DENND3: variants seen among roughly 807,000 people sequenced by gnomAD.
The protein encoded by DENND3 is DENN domain-containing protein 3.
DENND3 carries 88 observed loss-of-function variants against 135.1 expected under a neutral mutation model. The ratio of observed to expected loss-of-function variants is 0.65; its 90% CI spans 0.55 to 0.78. The LOEUF (loss-of-function observed/expected upper bound fraction) is 0.78. Among genes scored for constraint, DENND3 ranks in the 30% least tolerant of loss-of-function variants. The probability of loss-of-function intolerance (pLI) is 0.00; values close to 1 mark genes in which losing one functional copy is unlikely to be tolerated. For synonymous variants in DENND3, 693 were observed against 712.3 expected, an observed-to-expected ratio of 0.97 and a Z score of 0.43; for missense variants, 1,392 against 1,688.4, an observed-to-expected ratio of 0.82 and a Z score of 3.08.
At chr8:141,163,522 G>A in intron 10 of DENND3, 93 bp downstream of exon 10, 1 of 834,274 alleles carries the variant, frequency 1.2e-6, no homozygotes, top group Non-Finnish European at 1.8e-6. Flanking sequence ...GTTCTCAAGT[G>A]TATCAACTTT....
chr8:141,141,391 A>G lies in DENND3; in HGVS notation c.623+67A>G. The G allele has an allele frequency of 4.5e-6, 5 of 1,115,524 alleles. No individual in the cohort carries two copies. The highest frequency in any genetic ancestry group is 6.0e-6 in the Non-Finnish European group (5 of 839,260). The allele number at this position is 1,115,524 out of a possible 1,614,324, so 69.1% of individuals were successfully genotyped here. ...TCTTTGTGCCTCTCCAGGTGAGCCAAGGGACCAGGGGGCTGGAGGTGGTGG... is the reference window on the plus strand; with the variant it reads ...TCTTTGTGCCTCTCCAGGTGAGCCAGGGGACCAGGGGGCTGGAGGTGGTGG... On this transcript the variant is annotated intron_variant, in intron 4 of 22. Coordinates refer to ENST00000519811, the MANE Select transcript of DENND3 (RefSeq NM_001352890.3). The surrounding 1 kb of genome is among the most constrained non-coding windows in gnomAD (Gnocchi z 5.3).
intron 8 of DENND3, among the ~76,000 whole-genome samples, chr8:141,159,162 A>C (rs958658244): frequency 6.6e-6 from 1 of 152,102 alleles, no homozygotes; most frequent in Non-Finnish European, 1.5e-5. Flanking sequence ...GTTTGGAGAG[A>C]ACCCTGGTCC....
chr8:141,128,813 A>G lies in DENND3; in HGVS notation c.102+4A>G. On this transcript the variant is annotated splice_donor_region_variant and intron_variant, in intron 1 of 22. Transcript: ENST00000519811. The surrounding 1 kb of genome is among the most constrained non-coding windows in gnomAD (Gnocchi z 4.5). ...CAGTCTCCGAAGTCTCGAGCAGGTGAGGGGCGGGGAAACTGAGGCGGACGT... is the reference window on the plus strand; with the variant it reads ...CAGTCTCCGAAGTCTCGAGCAGGTGGGGGGCGGGGAAACTGAGGCGGACGT... 7.1e-7 allele frequency: 1 copy of G among 1,403,440 alleles called. No individual in the cohort carries two copies. Among genetic ancestry groups the G allele is most frequent in the Non-Finnish European group, 9.3e-7 (1 of 1,072,794 alleles). The allele number at this position is 1,403,440 out of a possible 1,614,324, so 86.9% of individuals were successfully genotyped here. A position where few individuals can be genotyped will look rare whatever the true frequency, so the allele number is the denominator to read the frequency against.
rs895292528 is a variant in DENND3, at chr8:141,178,342, G to A, written c.2836+146G>A. On this transcript the variant is annotated intron_variant, in intron 16 of 22. Transcript: ENST00000519811. ...TATATTTGTAATTTACTCTCGAGTC[G>A]CACACCTTATCCGGCATCTTTCCTT... The A allele has an allele frequency of 6.1e-5, 75 of 1,230,298 alleles. No individual in the cohort carries two copies. In the African/African-American group the frequency reaches 8.1e-4, roughly 13 times the overall value. 76.2% of individuals were successfully genotyped at this position (1,230,298 alleles called of 1,614,324 possible).
At position 141,160,685 on chromosome 8, in the gene DENND3, G is replaced by A; in HGVS notation, c.1250G>A (p.Ser417Asn). The part of the protein sequence containing the change: ...HELHAAHLLS[S>N]TDLKEGRAHR... The stretch of plus-strand genomic sequence containing the variant: ...CTGCACGCCGCCCACCTCCTCTCCA[G>A]CACAGACCTGAAGGAGGGCCGAGCC... Residue 417 changes from serine to asparagine, a missense_variant, in exon 9 of 23, where the codon AGC becomes AAC. Coordinates refer to ENST00000519811, the MANE Select transcript of DENND3 (RefSeq NM_001352890.3). The A allele has an allele frequency of 6.2e-7, 1 of 1,613,314 alleles. No homozygotes were observed. The highest frequency in any genetic ancestry group is 8.5e-7 in the Non-Finnish European group (1 of 1,179,826).
rs545981766 is a variant in DENND3 at position 141,140,376 on chromosome 8, C to T, written c.502-827C>T. Among the ~76,000 whole-genome samples, 4 of 152,288 alleles carry T rather than the reference C, an allele frequency of 2.6e-5. No homozygotes were observed. In the East Asian group the frequency reaches 5.8e-4, roughly 22 times the overall value. On this transcript the variant is annotated intron_variant, in intron 3 of 22. Coordinates refer to ENST00000519811, the MANE Select transcript of DENND3 (RefSeq NM_001352890.3). ...CAGCCACGCGCGCGTGTGAGCAGCTCAGCACCAGGCATGACGTAAGCACTT... is the reference window on the plus strand; with the variant it reads ...CAGCCACGCGCGCGTGTGAGCAGCTTAGCACCAGGCATGACGTAAGCACTT...
Position 141,142,647 on chromosome 8 carries a change from C to T in DENND3, c.623+1323C>T. 2 of 286,764 alleles carry T rather than the reference C, an allele frequency of 7.0e-6. 1 individual carries two copies. Among genetic ancestry groups the T allele is most frequent in the South Asian group, 5.3e-5 (2 of 37,864 alleles). The allele number at this position is 286,764 out of a possible 1,614,324, so 17.8% of individuals were successfully genotyped here. ...GTAGCCAATGAGCAGGTGAATTGAG[C>T]ACATGCATGTTTGTTGACTGTCTGT... is the stretch of plus-strand genomic sequence containing the variant. On this transcript the variant is annotated intron_variant, in intron 4 of 22. Transcript: ENST00000519811.
chr8:141,151,658 T>A lies in DENND3; in HGVS notation c.895T>A (p.Phe299Ile). ...CILTEQRIVF[F>I]SSDWALLTLV... is the part of the protein sequence containing the mutation. The stretch of plus-strand genomic sequence containing the variant: ...CCTGACGGAACAGCGGATCGTCTTC[T>A]TCTCCTCGGACTGGGCTCTGCTGAC... The change falls in exon 7 of 23, where the codon TTC becomes ATC. Residue 299 changes from phenylalanine (F) to isoleucine (I), a missense_variant. By Grantham distance (21) the Phe-to-Ile change is conservative. Coordinates refer to ENST00000519811, the MANE Select transcript of DENND3 (RefSeq NM_001352890.3). 1.9e-6 allele frequency: 3 copies of A among 1,614,134 alleles called. No homozygotes were observed. Among genetic ancestry groups the A allele is most frequent in the Non-Finnish European group, 2.5e-6 (3 of 1,180,020 alleles).
rs185565092 is a variant in DENND3, at chr8:141,144,527, T to C, written c.735+268T>C. Among the ~76,000 whole-genome samples, 1 of 150,630 alleles carries C rather than the reference T, an allele frequency of 6.6e-6. No homozygotes were observed. The highest frequency in any genetic ancestry group is 1.5e-5 in the Non-Finnish European group (1 of 67,744). ...TTATACCCTCTCCCTCTTGCGTGAG[T>C]GTATGGGGTGTTTGTGTATAGGGTT... On this transcript the variant is annotated intron_variant, in intron 5 of 22. Transcript: ENST00000519811. The surrounding 1 kb of genome is among the most constrained non-coding windows in gnomAD (Gnocchi z 4.4).
intron 22 of DENND3, chr8:141,192,882 TC>T: frequency 1.3e-6 from 2 of 1,501,644 alleles, no homozygotes; most frequent in Non-Finnish European, 8.9e-7. Flanking sequence ...CACAGCGCAT[TC>T]CCCCAAACTG....
chr8:141,168,178 G>A lies in DENND3; in HGVS notation c.1928G>A (p.Arg643Gln), dbSNP rs1365428086. 2 of 1,614,148 alleles carry A rather than the reference G, an allele frequency of 1.2e-6. No homozygotes were observed. Among genetic ancestry groups the A allele is most frequent in the Non-Finnish European group, 1.7e-6 (2 of 1,180,032 alleles). ...SLLLARYLYL[R>Q]GLVYLMQGQL... ...CTCCTGGCCCGCTATTTGTACCTCC[G>A]AGGGCTCGTTTATCTGATGCAGGGA... Residue 643 changes from arginine to glutamine, a missense_variant, in exon 13 of 23, where the codon CGA becomes CAA. By Grantham distance (43) the Arg-to-Gln change is conservative. Transcript: ENST00000519811. This position sits in a 1 kb window ranked among gnomAD's most constrained non-coding sequence, Gnocchi z 6.2.
In DENND3 at chr8:141,128,928, C is replaced by A. The variant is rs1259506367; in HGVS notation, c.102+119C>A. 5.2e-6 allele frequency: 4 copies of A among 762,854 alleles called. No homozygotes were observed. The East Asian group carries it at 1.0e-4, about 20-fold the overall frequency. 47.3% of individuals were successfully genotyped at this position (762,854 alleles called of 1,614,324 possible). On this transcript the variant is annotated intron_variant, in intron 1 of 22. Transcript: ENST00000519811. This position sits in a 1 kb window ranked among gnomAD's most constrained non-coding sequence, Gnocchi z 4.5. ...CGCGGACTTTCCGAGGGCTGAGTCC[C>A]GGTCCCCCGGCGGTGACCCCGCGCG...
intron 7 of DENND3, among the ~76,000 whole-genome samples, chr8:141,152,131 A>T (rs994032431): frequency 6.6e-6 from 1 of 152,206 alleles, no homozygotes; most frequent in African/African-American, 2.4e-5. Flanking sequence ...GTGCTCATAG[A>T]TGGTACTGTT....
At position 141,182,151 on chromosome 8, in the gene DENND3, A is replaced by C. The variant is rs1823219721; in HGVS notation, c.2944+1297A>C. 6.6e-6 allele frequency among the ~76,000 whole-genome samples: 1 copy of C among 152,232 alleles called. No homozygotes were observed. Among genetic ancestry groups the C allele is most frequent in the South Asian group, 2.1e-4 (1 of 4,836 alleles). ...TGTTGCATCTGCGTCTGCAGGTGTC[A>C]GCCGTAGGTGTCAGGGATGCAGATG... is the stretch of plus-strand genomic sequence containing the variant. On this transcript the variant is annotated intron_variant, in intron 17 of 22. Transcript: ENST00000519811. This position sits in a 1 kb window ranked among gnomAD's most constrained non-coding sequence, Gnocchi z 5.9.
intron 20 of DENND3, chr8:141,191,127 C>T: frequency 6.6e-6 from 1 of 152,238 alleles, no homozygotes; most frequent in East Asian, 1.9e-4. Flanking sequence ...ACTACATAAC[C>T]ATGAAACAAA....
intron 18 of DENND3, chr8:141,188,517 C>CT (rs11427301): frequency 0.075 from 11,600 of 154,642 alleles, 1,464 homozygotes; most frequent in African/African-American, 0.26. Flanking sequence ...CTTGAGTCAC[C>CT]TGATATGGAT....
At chr8:141,173,547 C>T (rs1821929018) in intron 13 of DENND3, 1 of 152,182 alleles carries the variant, frequency 6.6e-6, no homozygotes, top group African/African-American at 2.4e-5. Flanking sequence ...CTGTGGCGGT[C>T]GTCTTTTAGT....
At position 141,182,290 on chromosome 8, in the gene DENND3, C is replaced by A; in HGVS notation, c.2944+1436C>A. ...AGAAGCTGTGTGTGAAGCGATTTCC[C>A]CATAAGAGAGTTTTTCTCTCTTCAT... On this transcript the variant is annotated intron_variant, in intron 17 of 22. Transcript: ENST00000519811. The surrounding 1 kb of genome is among the most constrained non-coding windows in gnomAD (Gnocchi z 5.9). 1 of 985,130 alleles carries A rather than the reference C, an allele frequency of 1.0e-6. No homozygotes were observed. The highest frequency in any genetic ancestry group is 4.7e-5 in the South Asian group (1 of 21,276). 61.0% of individuals were successfully genotyped at this position (985,130 alleles called of 1,614,324 possible). A position where few individuals can be genotyped will look rare whatever the true frequency, so the allele number is the denominator to read the frequency against.
intron 11 of DENND3, 37 bp downstream of exon 11, chr8:141,165,326 A>C (rs1820639624): frequency 6.5e-7 from 1 of 1,533,000 alleles, no homozygotes; most frequent in Non-Finnish European, 9.0e-7. Flanking sequence ...GCAGCTCTTT[A>C]GGAATCACAG....
Sources: gnomAD v4.1 joint callset for allele counts (sites outside exome capture counted in the v4.1 genomes callset) on GRCh38, gnomAD v4.1.1 for gene constraint, Gnocchi (gnomAD v3.1) non-coding constraint, MANE v1.5 for transcripts, NCBI Gene and HGNC (gene_info 2026-07-23, HGNC 2026-07-21) for gene names.